PHKA2: variants seen among roughly 807,000 people sequenced by gnomAD.
PHKA2 encodes phosphorylase b kinase regulatory subunit alpha, liver isoform.
Under a neutral mutation model 102.0 loss-of-function variants are expected in PHKA2, and 31 were observed. The observed-to-expected ratio is 0.30, with a 90% confidence interval of 0.23 to 0.41. The LOEUF (loss-of-function observed/expected upper bound fraction) is 0.41. Ranked by LOEUF, PHKA2 falls within the 10% of genes least tolerant of loss-of-function variation. PHKA2 has a pLI of 1.00. For synonymous variants in PHKA2, 455 were observed against 416.2 expected (o/e 1.09, Z -1.13); for missense variants, 858 against 1,023.1 (o/e 0.84, Z 2.20).
intron 14 of PHKA2, 99 bp from the exon 15 acceptor site, chrX:18,925,876 C>A (rs1211309846): frequency 1.7e-6 from 1 of 592,622 alleles, no homozygotes; most frequent in Non-Finnish European, 2.9e-6. Context: ...CTAGATTAGA[C>A]AACCCATTTT....
At chrX:18,896,764 T>C in intron 30 of PHKA2, 1 of 242,983 alleles carries the variant, frequency 4.1e-6, no homozygotes, top group Non-Finnish European at 7.6e-6. Context: ...TCCCAGCCTT[T>C]CCCTGTTCTT....
chrX:18,925,167 C>T (rs765122682), intron 15 of PHKA2, among the ~76,000 whole-genome samples: 78 of 112,579 alleles, frequency 6.9e-4, no homozygotes, highest in African/African-American at 2.4e-3. Context: ...ACTGCCAAAG[C>T]GATCCCACTG....
chrX:18,893,711 CTTCT>C, intron 32 of PHKA2, 56 bp from the exon 33 acceptor site: 1 of 1,100,118 alleles, frequency 9.1e-7, no homozygotes, highest in Non-Finnish European at 1.3e-6. Flanking sequence ...CCCCGTCACG[CTTCT>C]GCGTGGTGGT....
intron 9 of PHKA2, 52 bp from the exon 10 acceptor site, chrX:18,938,801 A>C: frequency 9.1e-7 from 1 of 1,101,892 alleles, no homozygotes; most frequent in Non-Finnish European, 1.3e-6. Flanking sequence ...ATACATACAT[A>C]ATACCATTGT....
chrX:18,919,533 C>CATCT (rs1725908722), intron 18 of PHKA2, among the ~76,000 whole-genome samples: 1 of 109,518 alleles, frequency 9.1e-6, no homozygotes, highest in Non-Finnish European at 1.9e-5. Context: ...AAGGAGACCC[C>CATCT]ATCTCTATAA....
At position 18,905,905 on chromosome X, in the gene PHKA2, C is replaced by T. The variant is rs767466942; in HGVS notation, c.2807-46G>A. On this transcript the variant is annotated intron_variant, in intron 25 of 32. Coordinates refer to ENST00000379942, the MANE Select transcript of PHKA2 (RefSeq NM_000292.3). ...AGTGTCCCAAACACAGGGCTGGTGG[C>T]GGGTAAAGGTAGGGTCAGGTGGACG... The T allele has an allele frequency of 3.3e-5, 32 of 970,275 alleles. No individual in the cohort carries two copies. The highest frequency in any genetic ancestry group is 2.1e-4 in the South Asian group (11 of 51,788). 80.0% of individuals were successfully genotyped at this position (970,275 alleles called of 1,213,427 possible). A position where few individuals can be genotyped will look rare whatever the true frequency, so the allele number is the denominator to read the frequency against.
In PHKA2 at chrX:18,931,663, A is replaced by G. The variant is rs1428613360; in HGVS notation, c.1223T>C (p.Ile408Thr). The change falls in exon 12 of 33, where the codon ATC becomes ACC. Residue 408 changes from isoleucine to threonine, a missense_variant. By Grantham distance (89) the Ile-to-Thr change is moderately conservative. Around this residue, in one of 2 missense-constraint regions of PHKA2, gnomAD observed 671 missense variants for 745.2 expected, o/e 0.90. Transcript: ENST00000379942. ...TACCTCTGCCAACAGCGAGCTGAGGATGTACAAGGATTGGCCCCACAGATG... is the reference window on the plus strand; with the variant it reads ...TACCTCTGCCAACAGCGAGCTGAGGGTGTACAAGGATTGGCCCCACAGATG... ...VPHLWGQSLY[I>T]LSSLLAEGFL... 2 of 1,201,900 alleles carry G rather than the reference A, an allele frequency of 1.7e-6. No individual in the cohort carries two copies. Among genetic ancestry groups the G allele is most frequent in the Non-Finnish European group, 2.3e-6 (2 of 886,535 alleles).
intron 26 of PHKA2, among the ~76,000 whole-genome samples, chrX:18,905,207 T>G (rs2047784663): frequency 8.9e-6 from 1 of 112,179 alleles, no homozygotes; most frequent in African/African-American, 3.2e-5. Context: ...AGAGTTTTGC[T>G]CTGTCGCCCA....
Position 18,984,076 on chromosome X carries a change from A to G in PHKA2, c.-144T>C, listed in dbSNP as rs1044040954. 2.0e-6 allele frequency: 1 copy of G among 508,194 alleles called. No individual in the cohort carries two copies. Among genetic ancestry groups the G allele is most frequent in the Non-Finnish European group, 3.5e-6 (1 of 285,543 alleles). The allele number at this position is 508,194 out of a possible 1,213,427, so 41.9% of individuals were successfully genotyped here. The stretch of plus-strand genomic sequence containing the variant: ...TGGGACCGGGCCGGAGGAGGTCGAG[A>G]CTTTTCTAAACGCTAGCCCCAAAGT... On this transcript the variant is annotated 5_prime_UTR_variant, in exon 1 of 33. Coordinates refer to ENST00000379942, the MANE Select transcript of PHKA2 (RefSeq NM_000292.3).
Position 18,931,645 on chromosome X carries a change from G to A in PHKA2, c.1241C>T (p.Ala414Val). The A allele has an allele frequency of 4.2e-6, 5 of 1,189,424 alleles. No homozygotes were observed. Among genetic ancestry groups the A allele is most frequent in the African/African-American group, 1.7e-5 (1 of 57,349 alleles). The change falls in exon 12 of 33, where the codon GCA becomes GTA. Residue 414 changes from alanine to valine, a missense_variant. Physicochemically the swap from Ala to Val is moderately conservative, Grantham distance 64 (BLOSUM62 0). Transcript: ENST00000379942. ...GTGAGGCCACTAAGCCCCTACCTCTGCCAACAGCGAGCTGAGGATGTACAA... is the reference window on the plus strand; with the variant it reads ...GTGAGGCCACTAAGCCCCTACCTCTACCAACAGCGAGCTGAGGATGTACAA... Reference protein sequence around the residue: ...QSLYILSSLLAEGFLAAGEID... With the variant: ...QSLYILSSLLVEGFLAAGEID...
At chrX:18,961,583 G>T (rs370976541) in intron 1 of PHKA2, among the ~76,000 whole-genome samples, 11 of 105,179 alleles carry the variant, frequency 1.0e-4, no homozygotes, top group South Asian at 9.0e-4. Context: ...ACTTGAACCC[G>T]GGAGGCGGAG....
At chrX:18,937,620 G>C (rs1017106569) in intron 10 of PHKA2, among the ~76,000 whole-genome samples, 10 of 111,808 alleles carry the variant, frequency 8.9e-5, no homozygotes, top group African/African-American at 3.3e-4. Flanking sequence ...TGAGAAGAGA[G>C]GAGGGCACAT....
chrX:18,926,718 T>C, intron 13 of PHKA2, 131 bp from the exon 14 acceptor site: 1 of 653,410 alleles, frequency 1.5e-6, no homozygotes, highest in Admixed American at 2.3e-5. Flanking sequence ...TGACTGGCTT[T>C]GGAAATGACA....
intron 1 of PHKA2, among the ~76,000 whole-genome samples, chrX:18,966,047 A>G (rs987654326): frequency 9.6e-6 from 1 of 103,821 alleles, no homozygotes; most frequent in Non-Finnish European, 2.0e-5. Flanking sequence ...ACCTTGAAAA[A>G]GGTCCCCTCA....
chrX:18,894,336 C>T lies in PHKA2; in HGVS notation c.3405G>A (p.Glu1135=). 1 of 1,211,636 alleles carries T rather than the reference C, an allele frequency of 8.3e-7. No individual in the cohort carries two copies. Among genetic ancestry groups the T allele is most frequent in the South Asian group, 1.8e-5 (1 of 57,010 alleles). ...ESVLNRVPQP[E]YRQLLVEAIM... is the part of the protein sequence containing the mutation. ...TGGCTTCCACCAGCAGCTGCCGGTACTCGGGCTGCGGCACGCGGTTCAGCA... is the reference window on the plus strand; with the variant it reads ...TGGCTTCCACCAGCAGCTGCCGGTATTCGGGCTGCGGCACGCGGTTCAGCA... The change falls in exon 32 of 33, where the codon GAG becomes GAA. Residue 1135 remains glutamate (E), a synonymous_variant. Coordinates refer to ENST00000379942, the MANE Select transcript of PHKA2 (RefSeq NM_000292.3).
At chrX:18,964,240 T>C (rs2048908013) in intron 1 of PHKA2, among the ~76,000 whole-genome samples, 1 of 110,886 alleles carries the variant, frequency 9.0e-6, no homozygotes, top group Non-Finnish European at 1.9e-5. Flanking sequence ...TGCTCCTCCC[T>C]CTGCCTGTAA....
intron 19 of PHKA2, among the ~76,000 whole-genome samples, chrX:18,912,077 T>G (rs1200489538): frequency 8.9e-6 from 1 of 112,360 alleles, no homozygotes; most frequent in African/African-American, 3.2e-5. Flanking sequence ...CTATATCATG[T>G]CATCTCAGGA....
At chrX:18,981,707 G>A (rs1336810991) in intron 1 of PHKA2, among the ~76,000 whole-genome samples, 1 of 111,336 alleles carries the variant, frequency 9.0e-6, no homozygotes, top group Admixed American at 9.5e-5. Flanking sequence ...CGCACCATGA[G>A]CCAGAGTACT....
At chrX:18,918,913 C>T in intron 18 of PHKA2, 59 bp from the exon 19 acceptor site, 1 of 1,026,429 alleles carries the variant, frequency 9.7e-7, no homozygotes, top group Non-Finnish European at 1.4e-6. Flanking sequence ...AATATGACTA[C>T]ACAATAGTGA....
Sources: allele counts gnomAD v4.1 joint callset (sites outside exome capture counted in the v4.1 genomes callset), GRCh38; gene constraint gnomAD v4.1.1; regional missense constraint gnomAD v4.1.1; transcripts MANE v1.5; gene names NCBI Gene and HGNC (gene_info 2026-07-23, HGNC 2026-07-21).